The following CFTR variants were observed in gnomAD, a reference collection of about 807,000 sequenced individuals.
CFTR encodes cystic fibrosis transmembrane conductance regulator.
A neutral mutation model predicts 171.6 loss-of-function variants in CFTR; 181 were observed. The observed-to-expected ratio is 1.05, with a 90% CI of 0.93 to 1.19. The LOEUF (loss-of-function observed/expected upper bound fraction) is 1.19. Ranked by LOEUF, CFTR falls within the 50% of genes most tolerant of loss-of-function variation. The probability of loss-of-function intolerance (pLI) is 0.00; values close to 1 mark genes in which losing one functional copy is unlikely to be tolerated. For missense variants in CFTR, 1,968 were observed against 1,734.7 expected (o/e 1.13, Z -2.39); for synonymous variants, 583 against 608.0 (o/e 0.96, Z 0.60).
chr7:117,591,349 C>A (rs1395037909), intron 13 of CFTR, among the ~76,000 whole-genome samples: 1 of 151,868 alleles, frequency 6.6e-6, no homozygotes, highest in Non-Finnish European at 1.5e-5. Flanking sequence ...TTAGATGATT[C>A]TAGTCAGGAT....
chr7:117,523,476 AC>A (rs1798717191), intron 3 of CFTR, among the ~76,000 whole-genome samples: 1 of 151,386 alleles, frequency 6.6e-6, no homozygotes, highest in Non-Finnish European at 1.5e-5. Context: ...TCCTGGGTTC[AC>A]GCCATTCTCC....
chr7:117,545,095 T>C (rs1437746087), intron 9 of CFTR, among the ~76,000 whole-genome samples: 5 of 152,220 alleles, frequency 3.3e-5, no homozygotes, highest in African/African-American at 1.2e-4. Flanking sequence ...TCCATGTGAC[T>C]GGGGAGGCCT....
At chr7:117,522,390 G>A (rs1047072979) in intron 3 of CFTR, among the ~76,000 whole-genome samples, 3 of 152,150 alleles carry the variant, frequency 2.0e-5, no homozygotes, top group African/African-American at 7.2e-5. Flanking sequence ...CCAGAGCGCG[G>A]AAGAGACTAA....
In CFTR at chr7:117,606,701, A is replaced by G. The variant is rs397508462; in HGVS notation, c.2936A>G (p.Asp979Gly). The stretch of plus-strand genomic sequence containing the variant: ...GGGATTCTTAATAGATTCTCCAAAG[A>G]TATAGCAATTTTGGATGACCTTCTG... Reference protein sequence around the residue: ...AGGILNRFSKDIAILDDLLPL... With the variant: ...AGGILNRFSKGIAILDDLLPL... The change falls in exon 18 of 27, where the codon GAT becomes GGT. Residue 979 changes from aspartate to glycine, a missense_variant. Asp to Gly is a moderately conservative substitution (Grantham distance 94). Coordinates refer to ENST00000003084, the MANE Select transcript of CFTR (RefSeq NM_000492.4). 6.3e-7 allele frequency: 1 copy of G among 1,591,906 alleles called. No homozygotes were observed. Among genetic ancestry groups the G allele is most frequent in the South Asian group, 1.1e-5 (1 of 90,610 alleles).
chr7:117,641,086 A>T lies in CFTR; in HGVS notation c.3718-1352A>T, dbSNP rs1792904284. ...GAGTATTGTACTTAACATTTGATTGATCTGATTTTCTCAGTTGTCTGAGAA... is the reference window on the plus strand; with the variant it reads ...GAGTATTGTACTTAACATTTGATTGTTCTGATTTTCTCAGTTGTCTGAGAA... On this transcript the variant is annotated intron_variant, in intron 22 of 26. Coordinates refer to ENST00000003084, the MANE Select transcript of CFTR (RefSeq NM_000492.4). Among the ~76,000 whole-genome samples the T allele has an allele frequency of 3.9e-5, 6 of 152,184 alleles. No individual in the cohort carries two copies. In the South Asian group the frequency reaches 1.2e-3, roughly 32 times the overall value.
At chr7:117,541,874 A>G in intron 8 of CFTR, 142 bp from the exon 9 acceptor site, 1 of 399,422 alleles carries the variant, frequency 2.5e-6, no homozygotes, top group Non-Finnish European at 4.6e-6. Context: ...CACTAATAAA[A>G]TTATTTTATT....
In CFTR at chr7:117,564,754, A is replaced by G. The variant is rs184637962; in HGVS notation, c.1584+5099A>G. Reference sequence around the variant, plus strand: ...TCTAATGTCTGCAAAGCACTTGCGTATGTAATGATGCTCAGTGTCATAGGA... The same window carrying G: ...TCTAATGTCTGCAAAGCACTTGCGTGTGTAATGATGCTCAGTGTCATAGGA... On this transcript the variant is annotated intron_variant, in intron 11 of 26. Coordinates refer to ENST00000003084, the MANE Select transcript of CFTR (RefSeq NM_000492.4). The G allele has an allele frequency of 3.5e-3, 580 of 167,072 alleles. 2 individuals are homozygous for G. Among genetic ancestry groups the G allele is most frequent in the Non-Finnish European group, 4.1e-3 (280 of 68,102 alleles). 10.3% of individuals were successfully genotyped at this position (167,072 alleles called of 1,614,324 possible).
In CFTR at chr7:117,584,020, G is replaced by GT. The variant is rs538677077; in HGVS notation, c.1585-3710dup. On this transcript the variant is annotated intron_variant, in intron 11 of 26. Transcript: ENST00000003084. ...TGCCCACTTTTTGATGGAATTATTT[G>GT]TTTTTTTTTCTTGCTGATTTGTTTG... Among the ~76,000 whole-genome samples, 475 of 150,072 alleles carry GT rather than the reference G, an allele frequency of 3.2e-3. 2 individuals are homozygous for GT. The highest frequency in any genetic ancestry group is 4.9e-3 in the Admixed American group (73 of 15,016).
intron 6 of CFTR, among the ~76,000 whole-genome samples, chr7:117,536,076 T>C (rs1798949880): frequency 6.6e-6 from 1 of 152,196 alleles, no homozygotes. Flanking sequence ...TTAGTTACTT[T>C]GTGTTACAGA....
chr7:117,586,809 C>G (rs1791941713), intron 11 of CFTR, among the ~76,000 whole-genome samples: 1 of 151,628 alleles, frequency 6.6e-6, no homozygotes, highest in Admixed American at 6.6e-5. Context: ...TACTACCTAT[C>G]TAACTCTTCG....
At chr7:117,652,774 C>A in intron 23 of CFTR, 68 bp from the exon 24 acceptor site, 1 of 788,554 alleles carries the variant, frequency 1.3e-6, no homozygotes, top group Non-Finnish European at 2.1e-6. Flanking sequence ...TTTTACAATA[C>A]AATAAGGGAA....
chr7:117,597,763 C>G (rs1674758487), intron 15 of CFTR, among the ~76,000 whole-genome samples: 1 of 151,758 alleles, frequency 6.6e-6, no homozygotes, highest in Non-Finnish European at 1.5e-5. Flanking sequence ...CTTCAATGTC[C>G]CCATTGTGGT....
chr7:117,651,798 T>G (rs1452456743), intron 23 of CFTR, among the ~76,000 whole-genome samples: 1 of 152,146 alleles, frequency 6.6e-6, no homozygotes, highest in Non-Finnish European at 1.5e-5. Flanking sequence ...TCCATCTGCC[T>G]GAGAGACACA....
intron 1 of CFTR, among the ~76,000 whole-genome samples, chr7:117,503,291 T>G (rs1279044323): frequency 6.6e-6 from 1 of 152,204 alleles, no homozygotes; most frequent in Non-Finnish European, 1.5e-5. Context: ...AAAAGAAAGA[T>G]GCTGAGGGAA....
intron 22 of CFTR, among the ~76,000 whole-genome samples, chr7:117,637,214 CA>C (rs1792839409): frequency 7.6e-6 from 1 of 130,816 alleles, no homozygotes; most frequent in Admixed American, 7.3e-5. Context: ...TCTGTGTTTT[CA>C]AATGGTGTTT....
At chr7:117,620,463 T>C (rs1206933993) in intron 21 of CFTR, among the ~76,000 whole-genome samples, 1 of 152,176 alleles carries the variant, frequency 6.6e-6, no homozygotes, top group Admixed American at 6.5e-5. Context: ...AGGAATCACA[T>C]TTCTGCTACT....
At chr7:117,605,819 G>A (rs939825659) in intron 17 of CFTR, among the ~76,000 whole-genome samples, 1 of 152,160 alleles carries the variant, frequency 6.6e-6, no homozygotes, top group Admixed American at 6.6e-5. Context: ...GGTGGGTTGA[G>A]GCCAAATTAT....
intron 19 of CFTR, 74 bp from the exon 20 acceptor site, chr7:117,611,507 C>T: frequency 1.1e-6 from 1 of 931,044 alleles, no homozygotes; most frequent in Non-Finnish European, 1.7e-6. Flanking sequence ...TAGTCTTTTT[C>T]AGGTACAAGA....
At chr7:117,633,020 CT>C (rs1792772940) in intron 22 of CFTR, among the ~76,000 whole-genome samples, 1 of 152,046 alleles carries the variant, frequency 6.6e-6, no homozygotes, top group Admixed American at 6.6e-5. Flanking sequence ...TCTTTATGTA[CT>C]TAAGAATCAG....
Sources: allele counts gnomAD v4.1 joint callset (sites outside exome capture counted in the v4.1 genomes callset), GRCh38; gene constraint gnomAD v4.1.1; transcripts MANE v1.5; gene names NCBI Gene and HGNC (gene_info 2026-07-23, HGNC 2026-07-21).